Variants in RANBP2 observed in about 807,000 individuals in gnomAD.
RANBP2 encodes RAN binding protein 2, also known as E3 SUMO-protein ligase RanBP2.
A neutral mutation model predicts 303.6 loss-of-function variants in RANBP2; 57 were observed. That is an observed-to-expected ratio of 0.19 (90% confidence interval 0.15 to 0.23). RANBP2 has a LOEUF of 0.23. Ranked by LOEUF, RANBP2 falls within the 10% of genes least tolerant of loss-of-function variation. The probability of loss-of-function intolerance (pLI) is 1.00; values close to 1 mark genes in which losing one functional copy is unlikely to be tolerated. For synonymous variants in RANBP2, 1,167 were observed against 1,301.5 expected, an observed-to-expected ratio of 0.90 and a Z score of 2.23; for missense variants, 3,138 against 3,780.8, an observed-to-expected ratio of 0.83 and a Z score of 4.46.
the RANBP2 span, among the ~76,000 whole-genome samples, chr2:109,402,834 C>T: frequency 2.0e-5 from 3 of 152,278 alleles, no homozygotes; most frequent in African/African-American, 7.2e-5. Context: ...AGCATGGTAT[C>T]GTCCCTGGTA....
the RANBP2 span, among the ~76,000 whole-genome samples, chr2:109,421,959 C>T: frequency 6.6e-6 from 1 of 152,176 alleles, no homozygotes; most frequent in Non-Finnish European, 1.5e-5. Context: ...TTTATTTTAT[C>T]CCCAGAGAGG....
the RANBP2 span, among the ~76,000 whole-genome samples, chr2:108,869,898 G>T: frequency 6.6e-6 from 1 of 152,120 alleles, no homozygotes; most frequent in Admixed American, 6.5e-5. Flanking sequence ...AACACGCAAA[G>T]AAAGGATGAA....
chr2:109,148,498 G>A, the RANBP2 span, among the ~76,000 whole-genome samples: 2 of 152,196 alleles, frequency 1.3e-5, no homozygotes, highest in Admixed American at 1.3e-4. Context: ...TGATACTTTG[G>A]AAGAATGAAA....
At chr2:109,243,427 G>A in the RANBP2 span, among the ~76,000 whole-genome samples, 1 of 152,210 alleles carries the variant, frequency 6.6e-6, no homozygotes, top group Non-Finnish European at 1.5e-5. Flanking sequence ...CAAGTGTGTG[G>A]TGGCAAATGA....
chr2:109,539,157 G>C, the RANBP2 span, among the ~76,000 whole-genome samples: 2 of 152,040 alleles, frequency 1.3e-5, no homozygotes, highest in African/African-American at 4.8e-5. Context: ...AATTAGCTGA[G>C]TGTGGTGGTG....
At chr2:108,881,672 T>G in the RANBP2 span, among the ~76,000 whole-genome samples, 4 of 152,228 alleles carry the variant, frequency 2.6e-5, no homozygotes, top group Non-Finnish European at 5.9e-5. Context: ...TTTAAGGTTA[T>G]TAATTGGCCT....
chr2:108,880,749 A>G, the RANBP2 span, among the ~76,000 whole-genome samples: 1 of 152,172 alleles, frequency 6.6e-6, no homozygotes, highest in Non-Finnish European at 1.5e-5. Context: ...TACTGCTCAG[A>G]TAAAAAAAAG....
chr2:108,781,155 A>G, intron 25 of RANBP2, 114 bp from the exon 26 acceptor site: 2 of 1,094,898 alleles, frequency 1.8e-6, no homozygotes, highest in Non-Finnish European at 2.7e-6. Flanking sequence ...TTAAACATTT[A>G]AAATTGATGT....
At chr2:109,531,722 G>A in the RANBP2 span, among the ~76,000 whole-genome samples, 46 of 152,318 alleles carry the variant, frequency 3.0e-4, no homozygotes, top group African/African-American at 1.1e-3. Flanking sequence ...ACAGGGCTCT[G>A]TCACGTCAAA....
At chr2:109,755,198 T>G in the RANBP2 span, among the ~76,000 whole-genome samples, 8,306 of 95,944 alleles carry the variant, frequency 0.087, 967 homozygotes, top group African/African-American at 0.2. Flanking sequence ...CACACCTTGG[T>G]GGGGGGGGGC....
At chr2:109,240,013 G>A in the RANBP2 span, among the ~76,000 whole-genome samples, 4 of 152,234 alleles carry the variant, frequency 2.6e-5, no homozygotes, top group African/African-American at 9.6e-5. Flanking sequence ...CATGATAGAT[G>A]AGTCACTTGT....
the RANBP2 span, among the ~76,000 whole-genome samples, chr2:109,295,609 T>G: frequency 6.6e-6 from 1 of 152,194 alleles, no homozygotes; most frequent in Non-Finnish European, 1.5e-5. Flanking sequence ...TGTAGCCACC[T>G]GCAAGTGCCC....
chr2:109,307,816 T>G, the RANBP2 span, among the ~76,000 whole-genome samples: 117 of 144,014 alleles, frequency 8.1e-4, no homozygotes, highest in East Asian at 0.02. Flanking sequence ...CTTAATCCAG[T>G]CTATCATTGT....
chr2:109,003,478 T>C, the RANBP2 span, among the ~76,000 whole-genome samples: 1 of 151,946 alleles, frequency 6.6e-6, no homozygotes, highest in East Asian at 2.0e-4. Flanking sequence ...TGGCATGATC[T>C]TGGCCCACTG....
chr2:108,852,029 G>A, the RANBP2 span, among the ~76,000 whole-genome samples: 1 of 152,082 alleles, frequency 6.6e-6, no homozygotes, highest in African/African-American at 2.4e-5. Context: ...CTACCTAAGA[G>A]CATGTACTTC....
chr2:109,311,777 T>C, the RANBP2 span, among the ~76,000 whole-genome samples: 2 of 132,992 alleles, frequency 1.5e-5, no homozygotes, highest in East Asian at 4.1e-4. Flanking sequence ...GAGCAAGTCA[T>C]ATCAAGGCTA....
chr2:109,192,669 G>A, the RANBP2 span, among the ~76,000 whole-genome samples: 1 of 152,154 alleles, frequency 6.6e-6, no homozygotes, highest in African/African-American at 2.4e-5. Flanking sequence ...AACTGCAGAG[G>A]AAGACTCTTA....
At chr2:108,781,051 G>C (rs1209717488) in intron 25 of RANBP2, among the ~76,000 whole-genome samples, 1 of 151,862 alleles carries the variant, frequency 6.6e-6, no homozygotes, top group Non-Finnish European at 1.5e-5. Flanking sequence ...CACCATGTTG[G>C]CCAGGCTGGT....
the RANBP2 span, among the ~76,000 whole-genome samples, chr2:109,644,269 T>C: frequency 6.6e-6 from 1 of 152,134 alleles, no homozygotes; most frequent in Admixed American, 6.6e-5. Context: ...ATCACGCCAC[T>C]GCACTCCAGC....
Sources: gnomAD v4.1 joint callset for allele counts (sites outside exome capture counted in the v4.1 genomes callset) on GRCh38, gnomAD v4.1.1 for gene constraint, MANE v1.5 for transcripts, NCBI Gene and HGNC (gene_info 2026-07-23, HGNC 2026-07-21) for gene names.